MINDY2: variants seen among roughly 807,000 people sequenced by gnomAD.
MINDY2 encodes the protein MINDY lysine 48 deubiquitinase 2.
Under a neutral mutation model 68.2 loss-of-function variants are expected in MINDY2, and 52 were observed. That is an observed-to-expected ratio of 0.76 (90% CI 0.61 to 0.96). The LOEUF is 0.96. Among genes scored for constraint, MINDY2 ranks in the 40% least tolerant of loss-of-function variants. MINDY2 has a pLI of 0.00. For synonymous variants in MINDY2, 372 were observed against 303.0 expected (o/e 1.23, Z -2.36); for missense variants, 881 against 773.4 (o/e 1.14, Z -1.65).
In MINDY2 at chr15:58,852,971, A is replaced by T. The variant is rs544931194; in HGVS notation, c.1737+1006A>T. Among the ~76,000 whole-genome samples, 3 of 15,648 alleles carry T rather than the reference A, an allele frequency of 1.9e-4. 1 individual carries two copies. Among genetic ancestry groups the T allele is most frequent in the Non-Finnish European group, 6.2e-4 (3 of 4,876 alleles). 10.3% of individuals were successfully genotyped at this position (15,648 alleles called of 152,430 possible). On this transcript the variant is annotated intron_variant, in intron 8 of 8. Transcript: ENST00000559228. ...TTTTTTTTTTTTTTTTTTTTTTTTTAAGACAGAGTCTCACTCTGTTGCCCA... is the reference window on the plus strand; with the variant it reads ...TTTTTTTTTTTTTTTTTTTTTTTTTTAGACAGAGTCTCACTCTGTTGCCCA...
At chr15:58,842,936 C>G (rs1349215127) in intron 6 of MINDY2, among the ~76,000 whole-genome samples, 12 of 152,182 alleles carry the variant, frequency 7.9e-5, no homozygotes. Context: ...AACAACTATG[C>G]TTCACTGCCT....
chr15:58,831,661 G>A (rs2031733085), intron 5 of MINDY2, 113 bp from the exon 6 acceptor site: 3 of 883,422 alleles, frequency 3.4e-6, no homozygotes, highest in South Asian at 1.9e-5. Context: ...AGTAGGGAAA[G>A]TATTATAATT....
intron 6 of MINDY2, among the ~76,000 whole-genome samples, chr15:58,838,897 T>C (rs1444837111): frequency 6.6e-6 from 1 of 151,912 alleles, no homozygotes; most frequent in Non-Finnish European, 1.5e-5. Flanking sequence ...TTATTACGAC[T>C]TTTCAGAGGA....
chr15:58,775,287 C>T (rs955067658), intron 1 of MINDY2, among the ~76,000 whole-genome samples: 2 of 151,966 alleles, frequency 1.3e-5, no homozygotes, highest in Non-Finnish European at 2.9e-5. Flanking sequence ...ATTGGGGGTC[C>T]TCAATCATTT....
chr15:58,839,322 T>TTTTG (rs57863736), intron 6 of MINDY2, among the ~76,000 whole-genome samples: 2,954 of 148,744 alleles, frequency 0.02, 92 homozygotes, highest in African/African-American at 0.068. Flanking sequence ...TAGACTGTTT[T>TTTTG]TTTGTTTGTT....
chr15:58,837,172 A>G (rs2032033834), intron 6 of MINDY2, among the ~76,000 whole-genome samples: 1 of 152,208 alleles, frequency 6.6e-6, no homozygotes, highest in Admixed American at 6.5e-5. Context: ...AAGGCTGTTC[A>G]TCATTAAGAT....
Position 58,847,262 on chromosome 15 carries a change from TA to T in MINDY2, c.1369-33del, listed in dbSNP as rs576559403. 4.9e-5 allele frequency: 73 copies of T among 1,504,132 alleles called. No individual in the cohort carries two copies. The East Asian group carries it at 1.6e-3, about 32-fold the overall frequency. The allele number at this position is 1,504,132 out of a possible 1,614,324, so 93.2% of individuals were successfully genotyped here. A position where few individuals can be genotyped will look rare whatever the true frequency, so the allele number is the denominator to read the frequency against. On this transcript the variant is annotated intron_variant, in intron 6 of 8. Coordinates refer to ENST00000559228, the MANE Select transcript of MINDY2 (RefSeq NM_001040450.3). ...ATTATATTACTAGTTTTGATCAATTTAACAGTCCTTTTTCTTTTGTTACTTC... is the reference window on the plus strand; with the variant it reads ...ATTATATTACTAGTTTTGATCAATTTACAGTCCTTTTTCTTTTGTTACTTC...
At chr15:58,803,339 G>A (rs946523024) in intron 3 of MINDY2, among the ~76,000 whole-genome samples, 4 of 151,874 alleles carry the variant, frequency 2.6e-5, no homozygotes, top group South Asian at 2.1e-4. Flanking sequence ...ATGGTGATGC[G>A]CGCCTGTAGT....
Position 58,851,977 on chromosome 15 carries a change from TGTTTTGA to T in MINDY2, c.1737+15_1737+21del. 1 of 1,564,370 alleles carries T rather than the reference TGTTTTGA, an allele frequency of 6.4e-7. No individual in the cohort carries two copies. The highest frequency in any genetic ancestry group is 1.4e-5 in the African/African-American group (1 of 71,810). On this transcript the variant is annotated intron_variant, in intron 8 of 8. Transcript: ENST00000559228. ...CTACACAGGCTCAGGTAAAAACTAG[TGTTTTGA>T]GTCTTAAATGTGATGATCATGGCTG...
intron 3 of MINDY2, among the ~76,000 whole-genome samples, chr15:58,808,219 C>T (rs1027514916): frequency 6.6e-6 from 1 of 152,208 alleles, no homozygotes; most frequent in Non-Finnish European, 1.5e-5. Context: ...GGCAATGCCA[C>T]ATCATTATCA....
intron 2 of MINDY2, among the ~76,000 whole-genome samples, chr15:58,794,358 GGTGTGT>G (rs3985718): frequency 0.034 from 4,708 of 139,140 alleles, 267 homozygotes; most frequent in African/African-American, 0.12. Flanking sequence ...TTTTTTTTGG[GGTGTGT>G]GTGTGTGTGT....
chr15:58,804,598 A>G (rs1265609697), intron 3 of MINDY2, among the ~76,000 whole-genome samples: 4 of 152,144 alleles, frequency 2.6e-5, no homozygotes, highest in African/African-American at 9.7e-5. Context: ...GCTTGAGCCC[A>G]GTAGTGAGAC....
At chr15:58,773,623 G>T (rs752127718) in intron 1 of MINDY2, among the ~76,000 whole-genome samples, 6 of 152,124 alleles carry the variant, frequency 3.9e-5, no homozygotes, top group Admixed American at 1.3e-4. Flanking sequence ...TCAAAAAGGG[G>T]ACATTTTCCT....
chr15:58,786,485 G>T (rs751841920), intron 1 of MINDY2, among the ~76,000 whole-genome samples: 3 of 152,092 alleles, frequency 2.0e-5, no homozygotes, highest in African/African-American at 4.8e-5. Flanking sequence ...ATTTGACAAC[G>T]CATTTGAACA....
intron 2 of MINDY2, among the ~76,000 whole-genome samples, chr15:58,795,051 C>A (rs1902190630): frequency 6.6e-6 from 1 of 152,030 alleles, no homozygotes; most frequent in Admixed American, 6.5e-5. Context: ...TGGCGGGCGC[C>A]TGTAGTCCCA....
In MINDY2 at chr15:58,771,707, G is replaced by A. The variant is rs746074293; in HGVS notation, c.312G>A (p.Gly104=). The change falls in exon 1 of 9, where the codon GGG becomes GGA. Residue 104 remains glycine (G), a synonymous_variant. Transcript: ENST00000559228. ...CTGCCGCCGAGGCGCCTCTGAGAGG[G>A]CAGTACAAGGTGACCGCCTCCCCGG... ...SPAAAEAPLR[G]QYKVTASPET... 5 of 1,612,300 alleles carry A rather than the reference G, an allele frequency of 3.1e-6. No individual in the cohort carries two copies. The highest frequency in any genetic ancestry group is 2.2e-5 in the East Asian group (1 of 44,870).
intron 6 of MINDY2, among the ~76,000 whole-genome samples, chr15:58,841,817 A>G (rs1412606135): frequency 1.3e-5 from 2 of 152,216 alleles, no homozygotes; most frequent in African/African-American, 4.8e-5. Context: ...ATGACTATTT[A>G]TCCATGCAGG....
chr15:58,782,911 GTTTTTTTTTT>G (rs1157376592), intron 1 of MINDY2, among the ~76,000 whole-genome samples: 26 of 64,470 alleles, frequency 4.0e-4, no homozygotes, highest in African/African-American at 8.9e-4. Flanking sequence ...TTTTCTCTCT[GTTTTTTTTTT>G]TTTTTTTTTT....
At chr15:58,774,678 A>C (rs1395505982) in intron 1 of MINDY2, among the ~76,000 whole-genome samples, 1 of 152,162 alleles carries the variant, frequency 6.6e-6, no homozygotes, top group African/African-American at 2.4e-5. Context: ...GGAAGACTTC[A>C]TAGAAGAGAT....
Sources: gnomAD v4.1 joint callset for allele counts (sites outside exome capture counted in the v4.1 genomes callset) on GRCh38, gnomAD v4.1.1 for gene constraint, MANE v1.5 for transcripts, NCBI Gene and HGNC (gene_info 2026-07-23, HGNC 2026-07-21) for gene names.